Variants in GRIK1 observed in about 807,000 individuals in gnomAD.
GRIK1 encodes glutamate ionotropic receptor kainate type subunit 1, also known as glutamate receptor ionotropic, kainate 1.
Under a neutral mutation model 105.7 loss-of-function variants are expected in GRIK1, and 69 were observed. That is an observed-to-expected ratio of 0.65 (90% CI 0.54 to 0.80). The LOEUF is 0.80. Among genes scored for constraint, GRIK1 ranks in the 30% least tolerant of loss-of-function variants. GRIK1 has a pLI of 0.00. For missense variants in GRIK1, 1,109 were observed against 1,167.3 expected, an observed-to-expected ratio of 0.95 and a Z score of 0.73; for synonymous variants, 438 against 431.3, an observed-to-expected ratio of 1.02 and a Z score of -0.19.
intron 1 of GRIK1, among the ~76,000 whole-genome samples, chr21:29,707,154 GCGC>G (rs2063928276): frequency 6.6e-6 from 1 of 152,132 alleles, no homozygotes; most frequent in Non-Finnish European, 1.5e-5. Flanking sequence ...GTGAGCCACC[GCGC>G]CCGGGCTATT....
At chr21:29,863,014 A>C (rs2068693840) in intron 1 of GRIK1, among the ~76,000 whole-genome samples, 1 of 152,126 alleles carries the variant, frequency 6.6e-6, no homozygotes, top group South Asian at 2.1e-4. Flanking sequence ...TAATGGATTA[A>C]CTCTTGACAG....
At chr21:29,861,172 A>G (rs909544738) in intron 1 of GRIK1, among the ~76,000 whole-genome samples, 3 of 152,212 alleles carry the variant, frequency 2.0e-5, no homozygotes, top group African/African-American at 7.2e-5. Context: ...TTATTTGCCT[A>G]TTGCAGTGGC....
chr21:29,742,650 CA>C lies in GRIK1; in HGVS notation c.119-48588del, dbSNP rs199510472. On this transcript the variant is annotated intron_variant, in intron 1 of 17. Coordinates refer to ENST00000327783, the MANE Select transcript of GRIK1 (RefSeq NM_001330994.2). ...GATGTTTTAAAATCATGTATACAGT[CA>C]AATTTATCAGTTTTTGAAATTGTAC... Among the ~76,000 whole-genome samples the C allele has an allele frequency of 2.0e-4, 30 of 152,340 alleles. No homozygotes were observed. In the East Asian group the frequency reaches 5.8e-3, roughly 29 times the overall value.
intron 1 of GRIK1, among the ~76,000 whole-genome samples, chr21:29,863,902 T>A (rs1026790944): frequency 1.3e-5 from 2 of 152,206 alleles, no homozygotes; most frequent in African/African-American, 4.8e-5. Context: ...GCCAAGCACA[T>A]TAAATAATTT....
chr21:29,656,354 C>CAAAAAAAAAAAAAAAAAAAAAAA (rs3054331), intron 4 of GRIK1, among the ~76,000 whole-genome samples: 5 of 51,166 alleles, frequency 9.8e-5, no homozygotes, highest in East Asian at 8.1e-4. Context: ...GAGCGAGACT[C>CAAAAAAAAAAAAAAAAAAAAAAA]AAAAAAAAAA....
intron 1 of GRIK1, among the ~76,000 whole-genome samples, chr21:29,775,160 T>C (rs902828331): frequency 6.7e-6 from 1 of 149,084 alleles, no homozygotes; most frequent in Non-Finnish European, 1.5e-5. Context: ...CTACTGAAAA[T>C]ACAAAAATTA....
chr21:29,827,364 A>G (rs2067490489), intron 1 of GRIK1, among the ~76,000 whole-genome samples: 1 of 152,150 alleles, frequency 6.6e-6, no homozygotes, highest in Non-Finnish European at 1.5e-5. Flanking sequence ...GAATTCAAAT[A>G]TATTTCATAA....
chr21:29,790,312 G>T (rs1282532329), intron 1 of GRIK1, among the ~76,000 whole-genome samples: 1 of 152,140 alleles, frequency 6.6e-6, no homozygotes, highest in African/African-American at 2.4e-5. Flanking sequence ...CTCCCAAAGT[G>T]CTGGGATTAC....
chr21:29,757,604 T>C (rs1451353691), intron 1 of GRIK1, among the ~76,000 whole-genome samples: 1 of 152,154 alleles, frequency 6.6e-6, no homozygotes. Context: ...GAGGATAGCA[T>C]TATTTTTTTA....
At chr21:29,737,941 G>A (rs183359410) in intron 1 of GRIK1, among the ~76,000 whole-genome samples, 7 of 152,316 alleles carry the variant, frequency 4.6e-5, no homozygotes, top group African/African-American at 1.2e-4. Flanking sequence ...TTATTTATAC[G>A]CTATTGATTT....
intron 4 of GRIK1, among the ~76,000 whole-genome samples, chr21:29,669,993 A>G (rs2063133486): frequency 6.6e-6 from 1 of 152,094 alleles, no homozygotes; most frequent in African/African-American, 2.4e-5. Context: ...GATGTCTCCA[A>G]TATCCCGTTT....
chr21:29,861,395 A>C (rs1237418908), intron 1 of GRIK1, among the ~76,000 whole-genome samples: 1 of 151,784 alleles, frequency 6.6e-6, no homozygotes, highest in Non-Finnish European at 1.5e-5. Flanking sequence ...CAACTCTGCT[A>C]CCTGGGCTCA....
At chr21:29,647,065 C>T (rs759439647) in intron 6 of GRIK1, among the ~76,000 whole-genome samples, 6 of 152,224 alleles carry the variant, frequency 3.9e-5, no homozygotes, top group Admixed American at 6.5e-5. Context: ...AGGCTGGTCT[C>T]GAACTCCTGA....
rs751425472 is a variant in GRIK1 at position 29,673,114 on chromosome 21, T to C, written c.595A>G (p.Lys199Glu). ...GAGGGCAGCTGGCGGATTTTGATTT[T>C]AATATTATATCTGGAGGGAGCTTTG... Reference protein sequence around the residue: ...LIKAPSRYNIKIKIRQLPSGN... With the variant: ...LIKAPSRYNIEIKIRQLPSGN... Residue 199 changes from lysine (K) to glutamate (E), a missense_variant, in exon 4 of 18, where the codon AAA becomes GAA. Coordinates refer to ENST00000327783, the MANE Select transcript of GRIK1 (RefSeq NM_001330994.2). 1 of 1,612,724 alleles carries C rather than the reference T, an allele frequency of 6.2e-7. No individual in the cohort carries two copies. Among genetic ancestry groups the C allele is most frequent in the East Asian group, 2.2e-5 (1 of 44,882 alleles).
chr21:29,560,505 T>C (rs1414712101), intron 15 of GRIK1, among the ~76,000 whole-genome samples: 1 of 21,946 alleles, frequency 4.6e-5, no homozygotes, highest in African/African-American at 2.5e-4. Context: ...CTTTCCTTCC[T>C]TCCTTCCTTC....
At chr21:29,768,126 G>A (rs2065721425) in intron 1 of GRIK1, among the ~76,000 whole-genome samples, 1 of 152,102 alleles carries the variant, frequency 6.6e-6, no homozygotes, top group Non-Finnish European at 1.5e-5. Context: ...AATGATTATC[G>A]AGAGTTTTTA....
intron 1 of GRIK1, among the ~76,000 whole-genome samples, chr21:29,695,103 T>TAAACATGAGGATCTCACTGCAAGTAAC (rs2063669728): frequency 6.6e-6 from 1 of 152,190 alleles, no homozygotes; most frequent in Admixed American, 6.5e-5. Flanking sequence ...TCTGGTGTCT[T>TAAACATGAGGATCTCACTGCAAGTAAC]AAACATGAGG....
intron 1 of GRIK1, among the ~76,000 whole-genome samples, chr21:29,857,471 A>G (rs1257864287): frequency 6.6e-6 from 1 of 152,234 alleles, no homozygotes; most frequent in Non-Finnish European, 1.5e-5. Context: ...GCATTTGTAT[A>G]AGGAGTTTAT....
chr21:29,574,862 G>T (rs1348981499), intron 14 of GRIK1, among the ~76,000 whole-genome samples: 1 of 148,896 alleles, frequency 6.7e-6, no homozygotes, highest in Non-Finnish European at 1.5e-5. Flanking sequence ...TAATATTTTT[G>T]TATTTTTTTT....
Sources: allele counts gnomAD v4.1 joint callset (sites outside exome capture counted in the v4.1 genomes callset), GRCh38; gene constraint gnomAD v4.1.1; transcripts MANE v1.5; gene names NCBI Gene and HGNC (gene_info 2026-07-23, HGNC 2026-07-21).